Variants in IGFBP7 observed in about 807,000 individuals in gnomAD.
The protein encoded by IGFBP7 is insulin-like growth factor-binding protein 7.
In IGFBP7, 31 loss-of-function variants were observed where a neutral mutation model predicts 29.4. The observed-to-expected ratio is 1.05, with a 90% CI of 0.79 to 1.42. The LOEUF is 1.42. Ranked by LOEUF, IGFBP7 falls within the 40% of genes most tolerant of loss-of-function variation. The pLI, the probability that IGFBP7 is intolerant of heterozygous loss-of-function variation, is 0.00. For synonymous variants in IGFBP7, 172 were observed against 174.9 expected (o/e 0.98, Z 0.13); for missense variants, 393 against 395.5 (o/e 0.99, Z 0.05).
At chr4:57,040,461 A>T (rs1195231896) in intron 2 of IGFBP7, among the ~76,000 whole-genome samples, 2 of 152,086 alleles carry the variant, frequency 1.3e-5, no homozygotes, top group Non-Finnish European at 2.9e-5. Context: ...TACGCTTTTA[A>T]CCCCTATGCT....
chr4:57,034,820 AT>A (rs1724044621), intron 2 of IGFBP7, among the ~76,000 whole-genome samples: 1 of 152,092 alleles, frequency 6.6e-6, no homozygotes, highest in South Asian at 2.1e-4. Context: ...TTTTTCTGGA[AT>A]TTTCCCACAT....
intron 1 of IGFBP7, among the ~76,000 whole-genome samples, chr4:57,106,646 T>C (rs543195904): frequency 6.6e-6 from 1 of 152,336 alleles, no homozygotes; most frequent in South Asian, 2.1e-4. Flanking sequence ...AATGACATTC[T>C]GATTCCAGAA....
chr4:57,110,147 C>A lies in IGFBP7; in HGVS notation c.205G>T (p.Glu69Ter). 6.8e-7 allele frequency: 1 copy of A among 1,473,906 alleles called. No individual in the cohort carries two copies. The highest frequency in any genetic ancestry group is 8.9e-7 in the Non-Finnish European group (1 of 1,120,606). The allele number at this position is 1,473,906 out of a possible 1,614,324, so 91.3% of individuals were successfully genotyped here. A position where few individuals can be genotyped will look rare whatever the true frequency, so the allele number is the denominator to read the frequency against. ...CCGGCGCCGCCACCCCCGCACGGCT[C>A]GCCCTCGCCGCGGGCGCACATAGGG... ...CCPMCARGEGEPCGGGGAGRG... is the reference protein window; with the variant it reads ...CCPMCARGEG The change falls in exon 1 of 5, where the codon GAG becomes TAG. Residue 69 changes from glutamate (E) to a stop codon, truncating the protein, a stop_gained. Transcript: ENST00000295666. LOFTEE classifies it high-confidence loss of function.
intron 1 of IGFBP7, among the ~76,000 whole-genome samples, chr4:57,064,370 C>A (rs1724869956): frequency 6.6e-6 from 1 of 152,110 alleles, no homozygotes; most frequent in South Asian, 2.1e-4. Flanking sequence ...ACAAATAAAA[C>A]TGCAGAAGTG....
At chr4:57,076,288 C>T (rs1469628761) in intron 1 of IGFBP7, among the ~76,000 whole-genome samples, 2 of 152,188 alleles carry the variant, frequency 1.3e-5, no homozygotes, top group African/African-American at 2.4e-5. Context: ...TTCTGGGGGA[C>T]ACCAATATTC....
rs1411445087 is a variant in IGFBP7 at position 57,073,216 on chromosome 4, T to C, written c.476-32283A>G. On this transcript the variant is annotated intron_variant, in intron 1 of 4. Coordinates refer to ENST00000295666, the MANE Select transcript of IGFBP7 (RefSeq NM_001553.3). ...CCTTTCTGTGATTTTTGTATAGCACTCTGTATCTTGAGCTGTGGTATTATT... is the reference window on the plus strand; with the variant it reads ...CCTTTCTGTGATTTTTGTATAGCACCCTGTATCTTGAGCTGTGGTATTATT... 6.8e-6 allele frequency: 6 copies of C among 885,418 alleles called. No homozygotes were observed. In the Admixed American group the frequency reaches 1.1e-4, roughly 17 times the overall value. 54.8% of individuals were successfully genotyped at this position (885,418 alleles called of 1,614,324 possible).
intron 1 of IGFBP7, among the ~76,000 whole-genome samples, chr4:57,105,963 G>A (rs950313364): frequency 1.5e-4 from 22 of 148,566 alleles, no homozygotes; most frequent in Admixed American, 3.4e-4. Context: ...CAGGAGTGCA[G>A]TGGTGCTATC....
chr4:57,033,756 C>A (rs1413293822), intron 2 of IGFBP7, among the ~76,000 whole-genome samples: 3 of 152,108 alleles, frequency 2.0e-5, no homozygotes, highest in African/African-American at 7.2e-5. Context: ...AGGCTGAGAC[C>A]AAAGCCAATA....
At chr4:57,077,746 G>A (rs28699131) in intron 1 of IGFBP7, among the ~76,000 whole-genome samples, 4 of 152,098 alleles carry the variant, frequency 2.6e-5, no homozygotes, top group Admixed American at 1.3e-4. Context: ...CAGAACTGCC[G>A]CGTCACTCAC....
At chr4:57,063,137 A>C (rs1312546019) in intron 1 of IGFBP7, among the ~76,000 whole-genome samples, 5 of 145,788 alleles carry the variant, frequency 3.4e-5, no homozygotes, top group Admixed American at 6.9e-5. Context: ...CCCATTTCCC[A>C]CCCCTCCGTA....
At position 57,073,022 on chromosome 4, in the gene IGFBP7, A is replaced by C. The variant is rs1233803786; in HGVS notation, c.476-32089T>G. On this transcript the variant is annotated intron_variant, in intron 1 of 4. Transcript: ENST00000295666. ...CCACAGCCTTCGAGGCAAACCCAAC[A>C]TTGATAGCTCGTTGAACAGGCATGC... The C allele has an allele frequency of 6.8e-5, 78 of 1,151,790 alleles. No individual in the cohort carries two copies. The Middle Eastern group carries it at 6.8e-4, about 10-fold the overall frequency. 71.3% of individuals were successfully genotyped at this position (1,151,790 alleles called of 1,614,324 possible). A position where few individuals can be genotyped will look rare whatever the true frequency, so the allele number is the denominator to read the frequency against.
intron 1 of IGFBP7, among the ~76,000 whole-genome samples, chr4:57,047,866 C>T (rs1724400260): frequency 6.6e-6 from 1 of 152,128 alleles, no homozygotes; most frequent in South Asian, 2.1e-4. Flanking sequence ...TCCCAAATAG[C>T]TAGGACTGCA....
At chr4:57,050,768 G>A (rs1724485868) in intron 1 of IGFBP7, among the ~76,000 whole-genome samples, 1 of 150,498 alleles carries the variant, frequency 6.6e-6, no homozygotes, top group Non-Finnish European at 1.5e-5. Context: ...TTGTTGCCCA[G>A]GCTGGTCTCG....
intron 1 of IGFBP7, among the ~76,000 whole-genome samples, chr4:57,052,713 T>A (rs536124436): frequency 2.6e-5 from 4 of 152,294 alleles, no homozygotes; most frequent in Non-Finnish European, 2.9e-5. Flanking sequence ...GCTGCCCTGG[T>A]GACCGCGTGC....
intron 1 of IGFBP7, among the ~76,000 whole-genome samples, chr4:57,092,791 G>A (rs1427488972): frequency 1.3e-5 from 2 of 150,798 alleles, no homozygotes; most frequent in African/African-American, 4.9e-5. Context: ...GGTTATTTAT[G>A]ACAGAAAAAC....
intron 1 of IGFBP7, among the ~76,000 whole-genome samples, chr4:57,051,963 G>A (rs1261502948): frequency 6.6e-6 from 1 of 152,174 alleles, no homozygotes; most frequent in East Asian, 1.9e-4. Flanking sequence ...CTTGAATAGT[G>A]AGCATGCGGG....
chr4:57,070,003 C>T (rs763664205), intron 1 of IGFBP7, among the ~76,000 whole-genome samples: 6 of 151,912 alleles, frequency 3.9e-5, no homozygotes, highest in Non-Finnish European at 7.4e-5. Flanking sequence ...ATTGCTTGAA[C>T]CCCAGAGGCA....
chr4:57,051,767 G>A (rs1255565780), intron 1 of IGFBP7, among the ~76,000 whole-genome samples: 1 of 152,218 alleles, frequency 6.6e-6, no homozygotes, highest in Non-Finnish European at 1.5e-5. Context: ...GAAATGGAAT[G>A]ATAGTATCCC....
chr4:57,110,124 G>C lies in IGFBP7; in HGVS notation c.228C>G (p.Ala76=), dbSNP rs756934800. 2 of 1,510,790 alleles carry C rather than the reference G, an allele frequency of 1.3e-6. No homozygotes were observed. Among genetic ancestry groups the C allele is most frequent in the South Asian group, 1.2e-5 (1 of 81,216 alleles). The allele number at this position is 1,510,790 out of a possible 1,614,324, so 93.6% of individuals were successfully genotyped here. A position where few individuals can be genotyped will look rare whatever the true frequency, so the allele number is the denominator to read the frequency against. ...GEGEPCGGGG[A]GRGYCAPGME... ...TGCCCGGCGCGCAGTACCCCCTGCC[G>C]GCGCCGCCACCCCCGCACGGCTCGC... Residue 76 remains alanine (A), a synonymous_variant, in exon 1 of 5, where the codon GCC becomes GCG. Transcript: ENST00000295666.
Sources: gnomAD v4.1 joint callset for allele counts (sites outside exome capture counted in the v4.1 genomes callset) on GRCh38, gnomAD v4.1.1 for gene constraint, MANE v1.5 for transcripts, NCBI Gene and HGNC (gene_info 2026-07-23, HGNC 2026-07-21) for gene names.